The following CACNA2D1 variants were observed in gnomAD, a reference collection of about 807,000 sequenced individuals.
CACNA2D1 encodes voltage-dependent calcium channel subunit alpha-2/delta-1.
Under a neutral mutation model 171.5 loss-of-function variants are expected in CACNA2D1, and 53 were observed. That is an observed-to-expected ratio of 0.31 (90% confidence interval 0.25 to 0.39). The LOEUF (loss-of-function observed/expected upper bound fraction) is 0.39. CACNA2D1 is among the 10% of genes least tolerant of loss of function. CACNA2D1 has a pLI of 1.00. For synonymous variants in CACNA2D1, 442 were observed against 443.1 expected, an observed-to-expected ratio of 1.00 and a Z score of 0.03; for missense variants, 903 against 1,299.8, an observed-to-expected ratio of 0.69 and a Z score of 4.69.
intron 3 of CACNA2D1, among the ~76,000 whole-genome samples, chr7:82,297,388 GT>G (rs1374134945): frequency 6.6e-6 from 1 of 152,146 alleles, no homozygotes; most frequent in Non-Finnish European, 1.5e-5. Flanking sequence ...TACTTCCTTT[GT>G]GGGGGGAGAT....
At chr7:82,332,556 A>G (rs1585532758) in intron 3 of CACNA2D1, among the ~76,000 whole-genome samples, 1 of 144,936 alleles carries the variant, frequency 6.9e-6, no homozygotes, top group Admixed American at 6.9e-5. Flanking sequence ...GAAAGAAAGA[A>G]AGAAAGAAAG....
intron 1 of CACNA2D1, among the ~76,000 whole-genome samples, chr7:82,395,909 C>T (rs943746179): frequency 6.6e-6 from 1 of 152,084 alleles, no homozygotes; most frequent in Non-Finnish European, 1.5e-5. Flanking sequence ...AACACATTCC[C>T]AACATTTGTT....
At chr7:82,247,803 T>C (rs1005171168) in intron 3 of CACNA2D1, among the ~76,000 whole-genome samples, 23 of 152,174 alleles carry the variant, frequency 1.5e-4, no homozygotes, top group Non-Finnish European at 3.4e-4. Flanking sequence ...ACCCAAAATT[T>C]GGAAAGAAAA....
At chr7:82,366,679 C>T (rs945700555) in intron 1 of CACNA2D1, among the ~76,000 whole-genome samples, 3 of 152,124 alleles carry the variant, frequency 2.0e-5, no homozygotes, top group African/African-American at 7.2e-5. Context: ...CTGCAATGAA[C>T]ATACGAGTGT....
intron 32 of CACNA2D1, 32 bp from the exon 33 acceptor site, chr7:81,964,391 C>T (rs755839246): frequency 5.6e-6 from 9 of 1,595,542 alleles, no homozygotes; most frequent in Non-Finnish European, 7.7e-6. Flanking sequence ...AAGCAACGTG[C>T]ACTTAAAATG....
chr7:82,179,936 C>G (rs1224065344), intron 3 of CACNA2D1, among the ~76,000 whole-genome samples: 1 of 147,672 alleles, frequency 6.8e-6, no homozygotes, highest in African/African-American at 2.5e-5. Context: ...AAAAAAAAAG[C>G]CATCTTAAAT....
At chr7:82,304,644 CT>C (rs576537094) in intron 3 of CACNA2D1, among the ~76,000 whole-genome samples, 23 of 152,014 alleles carry the variant, frequency 1.5e-4, no homozygotes, top group African/African-American at 4.3e-4. Flanking sequence ...CATGTGGATG[CT>C]AAAAAAGTTT....
chr7:82,332,579 AT>A (rs1317884513), intron 3 of CACNA2D1, among the ~76,000 whole-genome samples: 1 of 151,900 alleles, frequency 6.6e-6, no homozygotes, highest in African/African-American at 2.4e-5. Flanking sequence ...CGAACAGAAA[AT>A]TTTTGAGGGT....
intron 1 of CACNA2D1, among the ~76,000 whole-genome samples, chr7:82,390,093 A>G (rs766733299): frequency 8.5e-5 from 13 of 152,330 alleles, no homozygotes; most frequent in Admixed American, 2.6e-4. Context: ...AAAGGTTTAC[A>G]GAAAGGGCAA....
chr7:82,241,292 C>T (rs1399220556), intron 3 of CACNA2D1, among the ~76,000 whole-genome samples: 3 of 152,144 alleles, frequency 2.0e-5, no homozygotes, highest in African/African-American at 7.2e-5. Context: ...GCCATGTCTT[C>T]CTATTTCAGT....
rs547965508 is a variant in CACNA2D1 at position 82,332,435 on chromosome 7, C to A, written c.294+2700G>T. Among the ~76,000 whole-genome samples the A allele has an allele frequency of 2.0e-5, 3 of 151,546 alleles. No homozygotes were observed. In the East Asian group the frequency reaches 5.8e-4, roughly 29 times the overall value. ...AATTCCAACCAACATACCTGCTACA[C>A]TACAACAATATCTTGGATATTTGAA... On this transcript the variant is annotated intron_variant, in intron 3 of 38. Transcript: ENST00000356860.
At chr7:81,976,373 A>G (rs1430125563) in intron 24 of CACNA2D1, among the ~76,000 whole-genome samples, 1 of 152,164 alleles carries the variant, frequency 6.6e-6, no homozygotes, top group Non-Finnish European at 1.5e-5. Context: ...CCTATCCATG[A>G]GCATGGAATG....
intron 6 of CACNA2D1, among the ~76,000 whole-genome samples, chr7:82,088,370 T>C (rs942255925): frequency 6.6e-6 from 1 of 152,094 alleles, no homozygotes; most frequent in Non-Finnish European, 1.5e-5. Flanking sequence ...TCAGCAAATA[T>C]TACTCTAGAT....
chr7:81,991,446 A>C (rs1164419197), intron 20 of CACNA2D1, among the ~76,000 whole-genome samples, 200 bp from the exon 21 acceptor site: 1 of 152,194 alleles, frequency 6.6e-6, no homozygotes, highest in Non-Finnish European at 1.5e-5. Flanking sequence ...TGTAAGTGAA[A>C]AATCTTTATA....
At chr7:82,263,194 T>C (rs1354206061) in intron 3 of CACNA2D1, among the ~76,000 whole-genome samples, 1 of 147,656 alleles carries the variant, frequency 6.8e-6, no homozygotes, top group African/African-American at 2.5e-5. Flanking sequence ...CTGCAACCTC[T>C]GCCTCTCAGG....
chr7:82,106,575 G>GA (rs557940498), intron 6 of CACNA2D1, among the ~76,000 whole-genome samples: 5 of 151,508 alleles, frequency 3.3e-5, no homozygotes, highest in South Asian at 4.2e-4. Context: ...TAAACAGTAA[G>GA]AAAAAATAAA....
chr7:82,054,672 T>C (rs148295220), intron 10 of CACNA2D1, among the ~76,000 whole-genome samples: 79 of 152,288 alleles, frequency 5.2e-4, no homozygotes, highest in African/African-American at 1.7e-3. Flanking sequence ...GTGTTCTTAG[T>C]AAGCAGACCT....
chr7:82,000,771 C>CTTTTTTTTTTTTTTTTTTTTTTTTT (rs774565705), intron 18 of CACNA2D1, among the ~76,000 whole-genome samples: 3 of 51,912 alleles, frequency 5.8e-5, no homozygotes, highest in Non-Finnish European at 1.1e-4. Flanking sequence ...ATTTTTCTTT[C>CTTTTTTTTTTTTTTTTTTTTTTTTT]TTTTTTTTTT....
chr7:82,316,101 C>T (rs890779794), intron 3 of CACNA2D1, among the ~76,000 whole-genome samples: 2 of 151,722 alleles, frequency 1.3e-5, no homozygotes, highest in African/African-American at 4.8e-5. Context: ...TGTTTTAAAA[C>T]CTATAATTAT....
Sources: allele counts gnomAD v4.1 joint callset (sites outside exome capture counted in the v4.1 genomes callset), GRCh38; gene constraint gnomAD v4.1.1; transcripts MANE v1.5; gene names NCBI Gene and HGNC (gene_info 2026-07-23, HGNC 2026-07-21).